WRN: variants seen among roughly 807,000 people sequenced by gnomAD.
WRN encodes WRN RecQ like helicase.
Under a neutral mutation model 180.7 loss-of-function variants are expected in WRN, and 149 were observed. The observed-to-expected ratio is 0.82, with a 90% confidence interval of 0.72 to 0.94. The LOEUF (loss-of-function observed/expected upper bound fraction) is 0.94, where lower values mean the gene tolerates loss of function less well. Among genes scored for constraint, WRN ranks in the 40% least tolerant of loss-of-function variants. WRN has a pLI of 0.00. For missense variants in WRN, 1,661 were observed against 1,700.1 expected, an observed-to-expected ratio of 0.98 and a Z score of 0.40; for synonymous variants, 548 against 568.9, an observed-to-expected ratio of 0.96 and a Z score of 0.52.
At chr8:31,096,454 C>G (rs1420588017) in intron 16 of WRN, among the ~76,000 whole-genome samples, 3 of 152,072 alleles carry the variant, frequency 2.0e-5, no homozygotes, top group African/African-American at 4.8e-5. Flanking sequence ...AAAGGAATGT[C>G]TCATAGATCC....
rs2737337 is a variant in WRN, at chr8:31,155,010, G to A, written c.3819+255G>A. 0.98 allele frequency among the ~76,000 whole-genome samples: 149,525 copies of A among 152,298 alleles called. 73,469 individuals carry two copies. The highest frequency in any genetic ancestry group is 1 in the East Asian group (5,184 of 5,184). ...TATCGGGGTACTGATAAACACATTT[G>A]TAGCTCAGGGATACTGCATCAGCCA... is the stretch of plus-strand genomic sequence containing the variant. On this transcript the variant is annotated intron_variant, in intron 32 of 34. Transcript: ENST00000298139.
Position 31,082,886 on chromosome 8 carries a change from T to C in WRN, c.1270-813T>C, listed in dbSNP as rs111346739. 3.2e-3 allele frequency among the ~76,000 whole-genome samples: 494 copies of C among 152,312 alleles called. 2 individuals carry two copies. The highest frequency in any genetic ancestry group is 0.011 in the African/African-American group (459 of 41,576). Reference sequence around the variant, plus strand: ...TTATTGCCATTTTTTTATTGGGTACTAATTATTAGTATTGCTTTCTTTATT... The same window carrying C: ...TTATTGCCATTTTTTTATTGGGTACCAATTATTAGTATTGCTTTCTTTATT... On this transcript the variant is annotated intron_variant, in intron 9 of 34. Transcript: ENST00000298139.
intron 1 of WRN, among the ~76,000 whole-genome samples, chr8:31,040,836 TC>T (rs975645788): frequency 1.3e-5 from 2 of 152,204 alleles, no homozygotes; most frequent in African/African-American, 4.8e-5. Context: ...TTTTTCTTCT[TC>T]TTTTTTTTAG....
intron 18 of WRN, among the ~76,000 whole-genome samples, chr8:31,107,607 A>G (rs565438939): frequency 2.9e-4 from 44 of 152,308 alleles, no homozygotes; most frequent in African/African-American, 9.6e-4. Flanking sequence ...TTATAGTAGT[A>G]TCATTTTTCT....
At chr8:31,135,134 C>T (rs368522923) in intron 24 of WRN, among the ~76,000 whole-genome samples, 2 of 152,188 alleles carry the variant, frequency 1.3e-5, no homozygotes, top group South Asian at 4.2e-4. Context: ...CTTGATGCAG[C>T]CTTGAACTCC....
chr8:31,046,600 G>A (rs1041667742), intron 1 of WRN, among the ~76,000 whole-genome samples: 4 of 152,148 alleles, frequency 2.6e-5, no homozygotes, highest in African/African-American at 9.7e-5. Flanking sequence ...TACTGTTAGT[G>A]TTTTAGGCTA....
At chr8:31,115,628 A>C (rs1179992062) in intron 19 of WRN, among the ~76,000 whole-genome samples, 2 of 152,200 alleles carry the variant, frequency 1.3e-5, no homozygotes, top group Non-Finnish European at 2.9e-5. Context: ...CTTTTCCTAA[A>C]TCTAAAATAG....
intron 19 of WRN, among the ~76,000 whole-genome samples, chr8:31,113,734 T>C (rs1430563804): frequency 6.6e-6 from 1 of 152,208 alleles, no homozygotes; most frequent in Non-Finnish European, 1.5e-5. Context: ...CTTATAATCC[T>C]ATGCAAATGT....
chr8:31,151,948 C>T (rs543829571), intron 31 of WRN, among the ~76,000 whole-genome samples: 54 of 151,652 alleles, frequency 3.6e-4, no homozygotes, highest in African/African-American at 1.2e-3. Flanking sequence ...TCACAATACA[C>T]ATTAAAAATT....
At chr8:31,149,463 T>G (rs67699467) in intron 30 of WRN, among the ~76,000 whole-genome samples, 13,128 of 26,142 alleles carry the variant, frequency 0.5, 2,481 homozygotes, top group Non-Finnish European at 0.54. Flanking sequence ...GTGTTTTTTT[T>G]TTTTTTTTTT....
In WRN at chr8:31,120,399, G is replaced by A. The variant is rs2130323107; in HGVS notation, c.2605G>A (p.Ala869Thr). ...TCAAAGTTCTTGTCACGTCCTCTGG[G>A]CTCCTGCAGACATTAACTTAAATAG... ...GLQSSCHVLW[A>T]PADINLNRHL... The change falls in exon 21 of 35, where the codon GCT becomes ACT. Residue 869 changes from alanine (A) to threonine (T), a missense_variant. This residue lies in a region of WRN where 1,141 missense variants were observed against 1,149.4 expected (regional missense o/e 0.99). Transcript: ENST00000298139. 2.5e-6 allele frequency: 4 copies of A among 1,612,500 alleles called. No individual in the cohort carries two copies. The highest frequency in any genetic ancestry group is 3.4e-6 in the Non-Finnish European group (4 of 1,178,992).
chr8:31,127,424 A>G (rs931385728), intron 23 of WRN, among the ~76,000 whole-genome samples: 1 of 152,184 alleles, frequency 6.6e-6, no homozygotes. Flanking sequence ...AATTGAAAAA[A>G]TAAAATAAAA....
At position 31,088,933 on chromosome 8, in the gene WRN, CA is replaced by C; in HGVS notation, c.1622del (p.Lys541ArgfsTer16). On this transcript the variant is annotated frameshift_variant, in exon 13 of 35. Coordinates refer to ENST00000298139, the MANE Select transcript of WRN (RefSeq NM_000553.6). LOFTEE classifies it high-confidence loss of function. ...CCAATGAAGAGCAAGTTACTTGCCTCAAGATGTACTTTGGCCATTCCAGTTT... is the reference window on the plus strand; with the variant it reads ...CCAATGAAGAGCAAGTTACTTGCCTCAGATGTACTTTGGCCATTCCAGTTT... ...APNEEQVTCLKMYFGHSSFKP... is the reference protein window; with the variant it reads ...APNEEQVTCLXMYFGHSSFKP... 6.2e-7 allele frequency: 1 copy of C among 1,611,534 alleles called. No individual in the cohort carries two copies.
chr8:31,057,447 T>C (rs1295743314), intron 1 of WRN, among the ~76,000 whole-genome samples: 1 of 152,090 alleles, frequency 6.6e-6, no homozygotes, highest in African/African-American at 2.4e-5. Flanking sequence ...GGCGGGCGCC[T>C]GTAGTCCCAG....
At chr8:31,110,657 G>A (rs1354656388) in intron 18 of WRN, among the ~76,000 whole-genome samples, 1 of 152,054 alleles carries the variant, frequency 6.6e-6, no homozygotes, top group Non-Finnish European at 1.5e-5. Context: ...TAATTGCTAT[G>A]GTTGGTTTGT....
intron 18 of WRN, among the ~76,000 whole-genome samples, chr8:31,110,777 C>A (rs937251295): frequency 6.6e-6 from 1 of 152,080 alleles, no homozygotes; most frequent in East Asian, 1.9e-4. Context: ...GGTGATAGAA[C>A]AGCTGATAAT....
In WRN at chr8:31,150,359, C is replaced by T. The variant is rs151143960; in HGVS notation, c.3591C>T (p.Asn1197=). ...MAKMRPTTVE[N]VKRIDGVSEG... ...AACACAGACCAACTACGGTTGAAAA[C>T]GTAAAAAGGATTGATGGTGTTTCTG... The change falls in exon 31 of 35, where the codon AAC becomes AAT. Residue 1197 remains asparagine, a synonymous_variant. Transcript: ENST00000298139. 2.4e-5 allele frequency: 38 copies of T among 1,613,856 alleles called. No individual in the cohort carries two copies. In the African/African-American group the frequency reaches 3.1e-4, roughly 13 times the overall value.
At position 31,085,249 on chromosome 8, in the gene WRN, A is replaced by T; in HGVS notation, c.1431+3A>T. The stretch of plus-strand genomic sequence containing the variant: ...ATTTAGAAATGGAGATGCTTAAGGT[A>T]TGTTTACAATTATAAAAACATTACT... On this transcript the variant is annotated splice_donor_region_variant and intron_variant, in intron 11 of 34. Transcript: ENST00000298139. The T allele has an allele frequency of 6.2e-7, 1 of 1,612,690 alleles. No individual in the cohort carries two copies. The highest frequency in any genetic ancestry group is 8.5e-7 in the Non-Finnish European group (1 of 1,179,150).
At chr8:31,092,306 C>G (rs982944335) in intron 16 of WRN, among the ~76,000 whole-genome samples, 3 of 151,824 alleles carry the variant, frequency 2.0e-5, no homozygotes, top group African/African-American at 7.3e-5. Flanking sequence ...GGCTCAGAGA[C>G]AAGTAATTTG....
Sources: gnomAD v4.1 joint callset for allele counts (sites outside exome capture counted in the v4.1 genomes callset) on GRCh38, gnomAD v4.1.1 for gene constraint, gnomAD v4.1.1 regional missense constraint, MANE v1.5 for transcripts, NCBI Gene and HGNC (gene_info 2026-07-23, HGNC 2026-07-21) for gene names.